The following TOM1L2 variants were observed in gnomAD, a reference collection of about 807,000 sequenced individuals.
The protein encoded by TOM1L2 is TOM1-like protein 2.
In TOM1L2, 31 loss-of-function variants were observed where a neutral mutation model predicts 67.9. That is an observed-to-expected ratio of 0.46 (90% CI 0.34 to 0.62). The LOEUF is 0.62. Among genes scored for constraint, TOM1L2 ranks in the 20% least tolerant of loss-of-function variants. TOM1L2 has a pLI of 0.01. For synonymous variants in TOM1L2, 256 were observed against 254.0 expected (o/e 1.01, Z -0.07); for missense variants, 606 against 663.5 (o/e 0.91, Z 0.95).
At chr17:17,916,717 T>C (rs2039642613) in intron 1 of TOM1L2, among the ~76,000 whole-genome samples, 1 of 152,132 alleles carries the variant, frequency 6.6e-6, no homozygotes, top group Admixed American at 6.5e-5. Context: ...TCCTCCAACT[T>C]TGTTCTTTTT....
chr17:17,969,945 T>C (rs1005457531), intron 1 of TOM1L2, among the ~76,000 whole-genome samples: 3 of 152,098 alleles, frequency 2.0e-5, no homozygotes, highest in Non-Finnish European at 4.4e-5. Flanking sequence ...AGCCAAGAAA[T>C]GGGGGCCAGG....
chr17:17,937,470 G>A (rs760854771), intron 1 of TOM1L2, among the ~76,000 whole-genome samples: 2 of 152,214 alleles, frequency 1.3e-5, no homozygotes, highest in African/African-American at 2.4e-5. Flanking sequence ...GAGGGCCAAA[G>A]ATCTGTAGCA....
chr17:17,912,065 G>A (rs546298198), intron 1 of TOM1L2, among the ~76,000 whole-genome samples: 110 of 152,088 alleles, frequency 7.2e-4, no homozygotes, highest in African/African-American at 2.6e-3. Context: ...TTTCTACACA[G>A]ACACGGCAAC....
chr17:17,946,731 A>C (rs1273364564), intron 1 of TOM1L2, among the ~76,000 whole-genome samples: 1 of 147,906 alleles, frequency 6.8e-6, no homozygotes, highest in Non-Finnish European at 1.5e-5. Context: ...TATTGATCTA[A>C]TTTTTTTTTT....
chr17:17,944,509 G>T (rs1487965694), intron 1 of TOM1L2, among the ~76,000 whole-genome samples: 1 of 152,224 alleles, frequency 6.6e-6, no homozygotes, highest in South Asian at 2.1e-4. Flanking sequence ...TGGGATCAGA[G>T]ATTTGGTGTC....
chr17:17,858,933 T>G (rs11658309), intron 12 of TOM1L2: 80,499 of 152,028 alleles, frequency 0.53, 22,411 homozygotes, highest in Non-Finnish European at 0.63. Context: ...GGCCAGGCTG[T>G]TCTTGAACTC....
chr17:17,903,439 G>A (rs1274901378), intron 2 of TOM1L2, among the ~76,000 whole-genome samples: 2 of 151,890 alleles, frequency 1.3e-5, no homozygotes, highest in African/African-American at 2.4e-5. Context: ...GTGAAACTCC[G>A]TCTCTACTAA....
At chr17:17,930,747 TA>T (rs1349513050) in intron 1 of TOM1L2, among the ~76,000 whole-genome samples, 1 of 152,092 alleles carries the variant, frequency 6.6e-6, no homozygotes, top group Non-Finnish European at 1.5e-5. Context: ...CCAAATGGAA[TA>T]AAAGAAGAAA....
chr17:17,889,708 G>A (rs977427979), intron 4 of TOM1L2, among the ~76,000 whole-genome samples: 3 of 152,188 alleles, frequency 2.0e-5, no homozygotes, highest in Non-Finnish European at 2.9e-5. Context: ...GGTTAAGGCT[G>A]TACCCCACTC....
intron 1 of TOM1L2, among the ~76,000 whole-genome samples, chr17:17,954,312 CTTTT>C (rs5819638): frequency 1.5e-5 from 2 of 134,696 alleles, no homozygotes; most frequent in Admixed American, 7.6e-5. Flanking sequence ...ATAAATCATT[CTTTT>C]TTTTTTTTTT....
chr17:17,866,349 A>G lies in TOM1L2; in HGVS notation c.1031T>C (p.Met344Thr). ...AGATGGGGGCGCTGTGTTCCCCACC[A>G]TTGGGCTCACCACGGCTGGAGACCC... ...GPGSPAVVSPMVGNTAPPSSL... is the reference protein window; with the variant it reads ...GPGSPAVVSPTVGNTAPPSSL... Residue 344 changes from methionine (M) to threonine (T), a missense_variant, in exon 10 of 15, where the codon ATG becomes ACG. By Grantham distance (81) the Met-to-Thr change is moderately conservative (BLOSUM62 -1). Transcript: ENST00000379504. The G allele has an allele frequency of 6.2e-7, 1 of 1,611,970 alleles. No individual in the cohort carries two copies. The highest frequency in any genetic ancestry group is 8.5e-7 in the Non-Finnish European group (1 of 1,179,068).
chr17:17,850,599 A>C (rs1456991575), intron 13 of TOM1L2, among the ~76,000 whole-genome samples: 1 of 152,190 alleles, frequency 6.6e-6, no homozygotes, highest in African/African-American at 2.4e-5. Context: ...ACTGGGGGGA[A>C]GGCAAGTGTG....
At chr17:17,943,991 A>C (rs1438110104) in intron 1 of TOM1L2, among the ~76,000 whole-genome samples, 1 of 152,226 alleles carries the variant, frequency 6.6e-6, no homozygotes, top group East Asian at 1.9e-4. Context: ...TTGTGAAGGC[A>C]GTCCTTACTC....
rs546166062 is a variant in TOM1L2 at position 17,970,286 on chromosome 17, G to A, written c.52+1976C>T. Among the ~76,000 whole-genome samples, 32 of 151,650 alleles carry A rather than the reference G, an allele frequency of 2.1e-4. No homozygotes were observed. The South Asian group carries it at 3.8e-3, about 18-fold the overall frequency. The stretch of plus-strand genomic sequence containing the variant: ...TCACCGTGTTAGCCAAGATGGTCTC[G>A]ATCTCCTGACCTTGTGATCCGCCCG... On this transcript the variant is annotated intron_variant, in intron 1 of 14. Coordinates refer to ENST00000379504, the MANE Select transcript of TOM1L2 (RefSeq NM_001082968.2).
At chr17:17,936,106 G>A (rs1378857959) in intron 1 of TOM1L2, among the ~76,000 whole-genome samples, 1 of 152,202 alleles carries the variant, frequency 6.6e-6, no homozygotes, top group African/African-American at 2.4e-5. Context: ...GCTTGCTCCT[G>A]CCCTGTCTTC....
At chr17:17,879,060 C>T (rs1480004853) in intron 7 of TOM1L2, among the ~76,000 whole-genome samples, 1 of 152,208 alleles carries the variant, frequency 6.6e-6, no homozygotes, top group Non-Finnish European at 1.5e-5. Context: ...CAATGGCAAA[C>T]CACAATATGC....
chr17:17,882,634 G>A, intron 6 of TOM1L2, 71 bp downstream of exon 6: 2 of 1,581,808 alleles, frequency 1.3e-6, no homozygotes, highest in Non-Finnish European at 1.7e-6. Flanking sequence ...GGAGGCCTTT[G>A]TAAGTGTCTC....
At chr17:17,903,807 G>A (rs1362259356) in intron 2 of TOM1L2, among the ~76,000 whole-genome samples, 1 of 152,004 alleles carries the variant, frequency 6.6e-6, no homozygotes, top group African/African-American at 2.4e-5. Context: ...AATCAGGAGG[G>A]GAAGGGGTTA....
intron 1 of TOM1L2, among the ~76,000 whole-genome samples, chr17:17,965,938 T>C (rs2041858100): frequency 2.0e-5 from 3 of 152,140 alleles, no homozygotes; most frequent in African/African-American, 4.8e-5. Context: ...GTGGTCAACA[T>C]GGTGAAACCC....
Sources: allele counts gnomAD v4.1 joint callset (sites outside exome capture counted in the v4.1 genomes callset), GRCh38; gene constraint gnomAD v4.1.1; transcripts MANE v1.5; gene names NCBI Gene and HGNC (gene_info 2026-07-23, HGNC 2026-07-21).